Variants in ZFHX3 observed in about 807,000 individuals in gnomAD.
ZFHX3 encodes the protein zinc finger homeobox 3, also known as zinc finger homeobox protein 3.
In ZFHX3, 42 loss-of-function variants were observed where a neutral mutation model predicts 279.1. That is an observed-to-expected ratio of 0.15 (90% CI 0.12 to 0.19). ZFHX3 has a LOEUF of 0.19. Ranked by LOEUF, ZFHX3 falls within the 10% of genes least tolerant of loss-of-function variation. The pLI, the probability that ZFHX3 is intolerant of heterozygous loss-of-function variation, is 1.00. For missense variants in ZFHX3, 4,981 were observed against 4,754.0 expected, an observed-to-expected ratio of 1.05 and a Z score of -1.40; for synonymous variants, 2,293 against 1,957.8, an observed-to-expected ratio of 1.17 and a Z score of -4.52.
At chr16:73,660,179 C>T (rs760838945) in intron 2 of ZFHX3, among the ~76,000 whole-genome samples, 13 of 152,144 alleles carry the variant, frequency 8.5e-5, no homozygotes, top group Non-Finnish European at 1.6e-4. Context: ...CAGAACAGCC[C>T]TTTGTGAATT....
At chr16:72,890,061 T>C (rs999265409) in intron 3 of ZFHX3, 99 bp from the exon 4 acceptor site, 2 of 1,074,612 alleles carry the variant, frequency 1.9e-6, no homozygotes, top group African/African-American at 3.1e-5. Flanking sequence ...GAGGCATGCC[T>C]CCAGGGGACA....
At chr16:73,648,570 G>GTTTGT (rs970289070) in intron 2 of ZFHX3, among the ~76,000 whole-genome samples, 1 of 151,752 alleles carries the variant, frequency 6.6e-6, no homozygotes, top group East Asian at 1.9e-4. Flanking sequence ...TTGTTTGTTT[G>GTTTGT]TTTGTTTTGT....
chr16:73,253,301 T>C (rs1453434974), intron 5 of ZFHX3, among the ~76,000 whole-genome samples: 1 of 151,908 alleles, frequency 6.6e-6, no homozygotes, highest in African/African-American at 2.4e-5. Context: ...GTGGGTGTAA[T>C]GAAAGGAGAA....
At chr16:73,019,369 CGTGT>C (rs970890958) in intron 1 of ZFHX3, among the ~76,000 whole-genome samples, 15 of 127,106 alleles carry the variant, frequency 1.2e-4, no homozygotes, top group African/African-American at 4.5e-4. Context: ...TGTGTGTGTG[CGTGT>C]GCGTGTGCGT....
chr16:72,969,004 A>T (rs1961980256), intron 1 of ZFHX3, among the ~76,000 whole-genome samples: 1 of 152,142 alleles, frequency 6.6e-6, no homozygotes, highest in Admixed American at 6.5e-5. Flanking sequence ...AATATATGAG[A>T]TGTTACCATA....
chr16:72,959,529 T>G lies in ZFHX3; in HGVS notation c.617A>C (p.Lys206Thr). The change falls in exon 2 of 10, where the codon AAA (lysine) becomes ACA (threonine). Residue 206 changes from lysine to threonine, a missense_variant. Lys to Thr is a moderately conservative substitution (Grantham distance 78). Transcript: ENST00000268489. ...AGCCTGGTCTGGGCCCTCAAACCATTTCCCGAAGGATGAGGCTATGTGGAA... is the reference window on the plus strand; with the variant it reads ...AGCCTGGTCTGGGCCCTCAAACCATGTCCCGAAGGATGAGGCTATGTGGAA... ...NTFHIASSFG[K>T]WFEGPDQAFP... 2 of 1,614,198 alleles carry G rather than the reference T, an allele frequency of 1.2e-6. No homozygotes were observed. The highest frequency in any genetic ancestry group is 1.7e-6 in the Non-Finnish European group (2 of 1,180,024).
At chr16:73,138,585 A>G (rs1243329745) in intron 6 of ZFHX3, among the ~76,000 whole-genome samples, 1 of 151,534 alleles carries the variant, frequency 6.6e-6, no homozygotes, top group Non-Finnish European at 1.5e-5. Flanking sequence ...CTTACCCTCC[A>G]CTCCCCATGG....
chr16:72,796,290 A>G lies in ZFHX3; in HGVS notation c.6392T>C (p.Leu2131Pro). 2 of 1,613,930 alleles carry G rather than the reference A, an allele frequency of 1.2e-6. No homozygotes were observed. Among genetic ancestry groups the G allele is most frequent in the East Asian group, 2.2e-5 (1 of 44,868 alleles). ...VEPLPADLAQ[L>P]YQHQLNPTLL... is the part of the protein sequence containing the mutation. ...GGTTGGATTGAGCTGATGCTGGTAG[A>G]GTTGGGCCAGGTCCGCAGGCAGAGG... The change falls in exon 9 of 10, where the codon CTC (leucine) becomes CCC (proline). Residue 2131 changes from leucine to proline, a missense_variant. By Grantham distance (98) the Leu-to-Pro change is moderately conservative. Coordinates refer to ENST00000268489, the MANE Select transcript of ZFHX3 (RefSeq NM_006885.4).
chr16:72,804,275 C>A (rs1217667893), intron 7 of ZFHX3, among the ~76,000 whole-genome samples: 2 of 152,170 alleles, frequency 1.3e-5, no homozygotes, highest in East Asian at 3.8e-4. Flanking sequence ...ACTAAATAAA[C>A]ACTGTACAGG....
chr16:73,873,584 C>T (rs2029876370), intron 1 of ZFHX3, among the ~76,000 whole-genome samples: 1 of 151,318 alleles, frequency 6.6e-6, no homozygotes, highest in Non-Finnish European at 1.5e-5. Context: ...AGAAAAAAAA[C>T]ATATTTACCT....
chr16:73,689,437 A>C (rs2053124243), intron 1 of ZFHX3, among the ~76,000 whole-genome samples: 1 of 152,182 alleles, frequency 6.6e-6, no homozygotes, highest in Admixed American at 6.5e-5. Context: ...CAGGGGCTGT[A>C]AAAGCTACAT....
intron 3 of ZFHX3, among the ~76,000 whole-genome samples, chr16:73,378,890 A>G (rs944113145): frequency 1.3e-5 from 2 of 152,162 alleles, no homozygotes; most frequent in African/African-American, 4.8e-5. Flanking sequence ...TTACTGTAGT[A>G]CCTTCCCATG....
chr16:73,672,686 A>G (rs569521864), intron 2 of ZFHX3, among the ~76,000 whole-genome samples: 1 of 152,282 alleles, frequency 6.6e-6, no homozygotes, highest in East Asian at 1.9e-4. Context: ...GAGAAGGCAC[A>G]TAGGATCAAC....
intron 4 of ZFHX3, among the ~76,000 whole-genome samples, chr16:73,286,782 G>A (rs1026354605): frequency 1.4e-5 from 2 of 143,886 alleles, no homozygotes; most frequent in East Asian, 2.2e-4. Flanking sequence ...TGGCTGTGTG[G>A]GTCAGTTTGT....
chr16:73,056,344 T>C (rs922448068), intron 1 of ZFHX3, among the ~76,000 whole-genome samples: 1 of 152,154 alleles, frequency 6.6e-6, no homozygotes, highest in Non-Finnish European at 1.5e-5. Context: ...TATATTCTCT[T>C]TTATTTTCCT....
chr16:73,024,325 A>T (rs891583697), intron 1 of ZFHX3, among the ~76,000 whole-genome samples: 2 of 152,194 alleles, frequency 1.3e-5, no homozygotes, highest in Non-Finnish European at 2.9e-5. Context: ...GGGAGGCAGC[A>T]GACGCCACTG....
At chr16:73,784,601 G>A (rs1199396096) in intron 1 of ZFHX3, among the ~76,000 whole-genome samples, 1 of 151,686 alleles carries the variant, frequency 6.6e-6, no homozygotes, top group East Asian at 1.9e-4. Flanking sequence ...ACAAAAATTA[G>A]CTGGGGGTGG....
At chr16:73,421,027 T>C (rs2017708308) in intron 3 of ZFHX3, 1 of 152,250 alleles carries the variant, frequency 6.6e-6, no homozygotes, top group African/African-American at 2.4e-5. Context: ...GTGTGTGATA[T>C]GCTTAACTGT....
At chr16:73,183,014 G>C (rs893656376) in intron 5 of ZFHX3, among the ~76,000 whole-genome samples, 46 of 152,298 alleles carry the variant, frequency 3.0e-4, no homozygotes, top group African/African-American at 1.0e-3. Flanking sequence ...AGACCAGCCT[G>C]ACCAATATGG....
Sources: gnomAD v4.1 joint callset for allele counts (sites outside exome capture counted in the v4.1 genomes callset) on GRCh38, gnomAD v4.1.1 for gene constraint, MANE v1.5 for transcripts, NCBI Gene and HGNC (gene_info 2026-07-23, HGNC 2026-07-21) for gene names.